The following HS3ST4 variants were observed in gnomAD, a reference collection of about 807,000 sequenced individuals.
HS3ST4 encodes heparan sulfate-glucosamine 3-sulfotransferase 4.
HS3ST4 carries 17 observed loss-of-function variants against 29.2 expected under a neutral mutation model. The observed-to-expected ratio is 0.58, with a 90% CI of 0.40 to 0.87. HS3ST4 has a LOEUF of 0.87. Among genes scored for constraint, HS3ST4 ranks in the 40% least tolerant of loss-of-function variants. HS3ST4 has a pLI of 0.00. For synonymous variants in HS3ST4, 314 were observed against 285.7 expected (o/e 1.10, Z -1.00); for missense variants, 627 against 634.5 (o/e 0.99, Z 0.13).
At chr16:25,740,102 A>T (rs567260852) in intron 1 of HS3ST4, among the ~76,000 whole-genome samples, 8 of 152,156 alleles carry the variant, frequency 5.3e-5, no homozygotes, top group African/African-American at 1.9e-4. Flanking sequence ...GATGATCGTC[A>T]TCTGCATCCA....
chr16:26,073,883 C>T lies in HS3ST4; in HGVS notation c.735-61729C>T, dbSNP rs73516341. On this transcript the variant is annotated intron_variant, in intron 1 of 1. Coordinates refer to ENST00000331351, the MANE Select transcript of HS3ST4 (RefSeq NM_006040.3). ...GCTTCTGAGTATCTAGTTTTCTCTA[C>T]CTCTCGGGTTACCACAGGACTGAAT... is the stretch of plus-strand genomic sequence containing the variant. Among the ~76,000 whole-genome samples, 309 of 152,214 alleles carry T rather than the reference C, an allele frequency of 2.0e-3. 4 individuals carry two copies. The highest frequency in any genetic ancestry group is 7.2e-3 in the African/African-American group (298 of 41,532).
chr16:26,042,672 G>A (rs779667247), intron 1 of HS3ST4, among the ~76,000 whole-genome samples: 2 of 152,164 alleles, frequency 1.3e-5, no homozygotes, highest in South Asian at 2.1e-4. Flanking sequence ...ATCATTATTT[G>A]CAGCTTTCTG....
intron 1 of HS3ST4, among the ~76,000 whole-genome samples, chr16:26,039,758 T>C (rs1969618797): frequency 6.6e-6 from 1 of 152,158 alleles, no homozygotes; most frequent in African/African-American, 2.4e-5. Flanking sequence ...TATCCTCTGG[T>C]AGCCATCCTT....
intron 1 of HS3ST4, among the ~76,000 whole-genome samples, chr16:25,717,378 T>C (rs767876315): frequency 1.3e-5 from 2 of 152,218 alleles, no homozygotes; most frequent in Non-Finnish European, 2.9e-5. Flanking sequence ...TACCCAGTAC[T>C]GTAAGATAAT....
intron 1 of HS3ST4, among the ~76,000 whole-genome samples, chr16:25,896,884 G>A (rs1412760597): frequency 1.3e-5 from 2 of 152,204 alleles, no homozygotes; most frequent in South Asian, 2.1e-4. Context: ...TATCTTAAGT[G>A]AATTAACACA....
intron 1 of HS3ST4, among the ~76,000 whole-genome samples, chr16:25,973,976 T>C (rs1309099161): frequency 6.6e-6 from 1 of 152,212 alleles, no homozygotes; most frequent in Non-Finnish European, 1.5e-5. Context: ...AATAAATGTC[T>C]GTACGTCTGC....
chr16:25,715,957 GCTC>G lies in HS3ST4; in HGVS notation c.734+22810_734+22812del, dbSNP rs568645806. Among the ~76,000 whole-genome samples, 293 of 152,336 alleles carry G rather than the reference GCTC, an allele frequency of 1.9e-3. 2 individuals carry two copies. The highest frequency in any genetic ancestry group is 6.6e-3 in the African/African-American group (274 of 41,576). Reference sequence around the variant, plus strand: ...ATGACAATGCCAAGGACCTCTCAAAGCTCCTCTTCCATCGTGGCAGGGAAAGAG... The same window carrying G: ...ATGACAATGCCAAGGACCTCTCAAAGCTCTTCCATCGTGGCAGGGAAAGAG... On this transcript the variant is annotated intron_variant, in intron 1 of 1. Transcript: ENST00000331351.
intron 1 of HS3ST4, among the ~76,000 whole-genome samples, chr16:26,127,696 G>T (rs1899363498): frequency 6.6e-6 from 1 of 152,132 alleles, no homozygotes; most frequent in South Asian, 2.1e-4. Flanking sequence ...ACTTCTCTGA[G>T]CCTCAGATTA....
At chr16:26,061,398 A>G (rs1270035060) in intron 1 of HS3ST4, among the ~76,000 whole-genome samples, 1 of 152,218 alleles carries the variant, frequency 6.6e-6, no homozygotes, top group Non-Finnish European at 1.5e-5. Flanking sequence ...GAGAATAGCC[A>G]GGATTACCAA....
intron 1 of HS3ST4, among the ~76,000 whole-genome samples, chr16:26,112,033 C>A (rs1899137944): frequency 1.5e-5 from 2 of 133,868 alleles, no homozygotes; most frequent in South Asian, 2.5e-4. Context: ...AAAAAAAATT[C>A]TCTTTTGAGC....
intron 1 of HS3ST4, among the ~76,000 whole-genome samples, chr16:26,040,455 C>T (rs903359914): frequency 1.3e-5 from 2 of 152,100 alleles, no homozygotes; most frequent in African/African-American, 4.8e-5. Flanking sequence ...AGGCGCATGC[C>T]AACACGCCCA....
chr16:25,896,136 G>A (rs1409339636), intron 1 of HS3ST4, among the ~76,000 whole-genome samples: 1 of 152,170 alleles, frequency 6.6e-6, no homozygotes, highest in Non-Finnish European at 1.5e-5. Context: ...CCTGACTCCA[G>A]CTCTGTTGTT....
intron 1 of HS3ST4, among the ~76,000 whole-genome samples, chr16:26,002,145 T>C (rs1969216960): frequency 6.6e-6 from 1 of 152,148 alleles, no homozygotes; most frequent in Admixed American, 6.6e-5. Context: ...TTCTGTAGGA[T>C]TTTCAGCTTC....
intron 1 of HS3ST4, among the ~76,000 whole-genome samples, chr16:25,915,315 C>G (rs1327660332): frequency 1.3e-5 from 2 of 152,126 alleles, no homozygotes; most frequent in Non-Finnish European, 2.9e-5. Context: ...TGAACAGCAG[C>G]GAGGAGAGAA....
chr16:25,806,346 T>TG (rs143242717), intron 1 of HS3ST4, among the ~76,000 whole-genome samples: 34,623 of 151,924 alleles, frequency 0.23, 4,282 homozygotes, highest in Non-Finnish European at 0.26. Flanking sequence ...TGTGTCTACG[T>TG]GGGGGCAGGA....
chr16:25,802,293 G>A (rs929279271), intron 1 of HS3ST4, among the ~76,000 whole-genome samples: 15 of 151,980 alleles, frequency 9.9e-5, no homozygotes, highest in Non-Finnish European at 1.6e-4. Flanking sequence ...AAAGAACTGA[G>A]GTGCAGTTCA....
chr16:25,833,239 G>A (rs1967323463), intron 1 of HS3ST4, among the ~76,000 whole-genome samples: 3 of 152,008 alleles, frequency 2.0e-5, no homozygotes, highest in South Asian at 4.2e-4. Flanking sequence ...TTAGGATTCC[G>A]TTTTTTTATG....
chr16:26,095,839 G>T (rs1309935009), intron 1 of HS3ST4, among the ~76,000 whole-genome samples: 1 of 152,018 alleles, frequency 6.6e-6, no homozygotes, highest in African/African-American at 2.4e-5. Context: ...CTGGTTTTTT[G>T]AAAAGATCAA....
At chr16:26,077,465 A>G (rs1162236905) in intron 1 of HS3ST4, among the ~76,000 whole-genome samples, 4 of 152,186 alleles carry the variant, frequency 2.6e-5, no homozygotes, top group Non-Finnish European at 5.9e-5. Context: ...AATAGGCTGT[A>G]TTGCCGTCAT....
Sources: allele counts gnomAD v4.1 joint callset (sites outside exome capture counted in the v4.1 genomes callset), GRCh38; gene constraint gnomAD v4.1.1; transcripts MANE v1.5; gene names NCBI Gene and HGNC (gene_info 2026-07-23, HGNC 2026-07-21).